The following NRXN1 variants were observed in gnomAD, a reference collection of about 807,000 sequenced individuals.
The protein encoded by NRXN1 is neurexin 1.
Under a neutral mutation model 150.9 loss-of-function variants are expected in NRXN1, and 39 were observed. That is an observed-to-expected ratio of 0.26 (90% CI 0.20 to 0.34). NRXN1 has a LOEUF of 0.34. NRXN1 is among the 10% of genes least tolerant of loss of function. The pLI is 1.00. For synonymous variants in NRXN1, 924 were observed against 757.0 expected (o/e 1.22, Z -3.62); for missense variants, 1,815 against 1,949.9 (o/e 0.93, Z 1.30).
chr2:50,864,255 G>A lies in NRXN1; in HGVS notation c.832+57614C>T, dbSNP rs377504517. 1.4e-4 allele frequency among the ~76,000 whole-genome samples: 22 copies of A among 152,078 alleles called. No homozygotes were observed. The South Asian group carries it at 4.1e-3, about 29-fold the overall frequency. ...ACCCAGGTACTGTGCTAGGTATACA[G>A]TGGTAAGCAAAATCAGACATGTATC... On this transcript the variant is annotated intron_variant, in intron 5 of 22. Coordinates refer to ENST00000401669, the MANE Select transcript of NRXN1 (RefSeq NM_001330078.2).
chr2:50,355,943 A>G (rs1265991009), intron 17 of NRXN1, among the ~76,000 whole-genome samples: 2 of 152,192 alleles, frequency 1.3e-5, no homozygotes, highest in Non-Finnish European at 2.9e-5. Context: ...TCTAAAATAT[A>G]TAAGAAGTTT....
At chr2:50,177,774 ACT>A (rs72085403) in intron 18 of NRXN1, among the ~76,000 whole-genome samples, 7,677 of 131,046 alleles carry the variant, frequency 0.059, 421 homozygotes, top group African/African-American at 0.16. Flanking sequence ...TAACTAACTA[ACT>A]CTCTCTCTCT....
At position 50,429,657 on chromosome 2, in the gene NRXN1, C is replaced by G. The variant is rs182784460; in HGVS notation, c.3364+35785G>C. ...AAAATCTTTCTAGGAAAAATAATATCTTTTTTTACAAAAAAATCCTACTGA... is the reference window on the plus strand; with the variant it reads ...AAAATCTTTCTAGGAAAAATAATATGTTTTTTTACAAAAAAATCCTACTGA... On this transcript the variant is annotated intron_variant, in intron 17 of 22. Transcript: ENST00000401669. Among the ~76,000 whole-genome samples the G allele has an allele frequency of 9.9e-4, 151 of 152,136 alleles. 1 individual carries two copies. Among genetic ancestry groups the G allele is most frequent in the Middle Eastern group, 6.8e-3 (2 of 294 alleles).
At chr2:50,418,471 C>T (rs1457803996) in intron 17 of NRXN1, among the ~76,000 whole-genome samples, 1 of 152,062 alleles carries the variant, frequency 6.6e-6, no homozygotes, top group African/African-American at 2.4e-5. Flanking sequence ...AAAGTTATTT[C>T]TTTGAGTGAC....
chr2:50,134,273 GAAAA>G (rs59985780), intron 18 of NRXN1, among the ~76,000 whole-genome samples: 1 of 96,466 alleles, frequency 1.0e-5, no homozygotes, highest in Non-Finnish European at 2.3e-5. Context: ...AAAGTAACCA[GAAAA>G]AAAAAAAAAA....
intron 5 of NRXN1, among the ~76,000 whole-genome samples, chr2:50,892,930 G>C (rs1681303963): frequency 1.3e-5 from 2 of 152,220 alleles, no homozygotes; most frequent in Admixed American, 6.5e-5. Flanking sequence ...TGCTCTCTGG[G>C]TTTGCCCCTA....
chr2:50,004,865 A>G (rs577750834), intron 21 of NRXN1, among the ~76,000 whole-genome samples: 81 of 152,250 alleles, frequency 5.3e-4, no homozygotes, highest in African/African-American at 1.9e-3. Context: ...CTTTTTCAGG[A>G]AAGACAAACT....
At chr2:50,516,800 A>G (rs924153079) in intron 12 of NRXN1, among the ~76,000 whole-genome samples, 2 of 152,130 alleles carry the variant, frequency 1.3e-5, no homozygotes, top group Non-Finnish European at 2.9e-5. Context: ...AAGGACAGAC[A>G]CATTTCTTTA....
chr2:49,925,395 G>T (rs1208796992), intron 22 of NRXN1, among the ~76,000 whole-genome samples: 1 of 151,940 alleles, frequency 6.6e-6, no homozygotes, highest in Non-Finnish European at 1.5e-5. Flanking sequence ...TATAAATGTG[G>T]CTTCTCTTAT....
At chr2:50,066,757 A>G (rs1217189384) in intron 19 of NRXN1, among the ~76,000 whole-genome samples, 2 of 152,238 alleles carry the variant, frequency 1.3e-5, no homozygotes, top group Admixed American at 1.3e-4. Context: ...GAAAATCGGC[A>G]AGAATTTGAG....
chr2:50,583,860 T>C (rs138009161), intron 8 of NRXN1, among the ~76,000 whole-genome samples: 196 of 152,292 alleles, frequency 1.3e-3, no homozygotes, highest in African/African-American at 4.4e-3. Context: ...AATATTAACA[T>C]AAAATTATTA....
At chr2:50,861,011 T>C (rs943596236) in intron 5 of NRXN1, among the ~76,000 whole-genome samples, 5 of 152,098 alleles carry the variant, frequency 3.3e-5, no homozygotes, top group Admixed American at 3.3e-4. Flanking sequence ...GGAGGGGATT[T>C]CTAGATGTCA....
At chr2:51,001,211 G>T (rs980993553) in intron 2 of NRXN1, among the ~76,000 whole-genome samples, 1 of 124,572 alleles carries the variant, frequency 8.0e-6, no homozygotes, top group African/African-American at 3.0e-5. Flanking sequence ...AACCACATAC[G>T]TACAATGGTA....
At chr2:50,419,397 C>A (rs1270579312) in intron 17 of NRXN1, among the ~76,000 whole-genome samples, 2 of 152,148 alleles carry the variant, frequency 1.3e-5, no homozygotes, top group East Asian at 3.9e-4. Flanking sequence ...ATCAGCTGGA[C>A]CCTGACCTGC....
rs868000693 is a variant in NRXN1 at position 50,635,160 on chromosome 2, T to C, written c.833-11545A>G. On this transcript the variant is annotated intron_variant, in intron 5 of 22. Transcript: ENST00000401669. The stretch of plus-strand genomic sequence containing the variant: ...CCGAATGTTGCTGGTACAGATTAAA[T>C]TCTTCTTTTTTTTTTTTGATAGAGT... 8.3e-5 allele frequency among the ~76,000 whole-genome samples: 12 copies of C among 144,774 alleles called. 1 individual carries two copies. In the Middle Eastern group the frequency reaches 0.01, roughly 121 times the overall value. 95.0% of individuals were successfully genotyped at this position (144,774 alleles called of 152,430 possible). A position where few individuals can be genotyped will look rare whatever the true frequency, so the allele number is the denominator to read the frequency against.
At chr2:50,402,436 T>C (rs779012407) in intron 17 of NRXN1, among the ~76,000 whole-genome samples, 3 of 152,014 alleles carry the variant, frequency 2.0e-5, no homozygotes, top group Non-Finnish European at 2.9e-5. Flanking sequence ...CATCTGCCAA[T>C]CTAATAAATG....
chr2:50,730,451 A>G (rs1277236722), intron 5 of NRXN1, among the ~76,000 whole-genome samples: 2 of 152,104 alleles, frequency 1.3e-5, no homozygotes, highest in Non-Finnish European at 2.9e-5. Context: ...CCTGAAAGAA[A>G]TGTGTTCCCT....
chr2:50,598,611 C>T (rs1463013457), intron 8 of NRXN1, among the ~76,000 whole-genome samples: 14 of 142,596 alleles, frequency 9.8e-5, no homozygotes, highest in East Asian at 2.0e-4. Flanking sequence ...TGTATATATA[C>T]ATATATATAC....
intron 5 of NRXN1, among the ~76,000 whole-genome samples, chr2:50,728,485 A>C (rs1697674701): frequency 1.3e-5 from 2 of 152,158 alleles, no homozygotes; most frequent in South Asian, 4.1e-4. Flanking sequence ...TATGTAAATA[A>C]ATTTATGGCT....
Sources: gnomAD v4.1 joint callset for allele counts (sites outside exome capture counted in the v4.1 genomes callset) on GRCh38, gnomAD v4.1.1 for gene constraint, MANE v1.5 for transcripts, NCBI Gene and HGNC (gene_info 2026-07-23, HGNC 2026-07-21) for gene names.